The following EYS variants were observed in gnomAD, a reference collection of about 807,000 sequenced individuals.
EYS encodes the protein EGF-like photoreceptor maintenance factor, also known as protein eyes shut homolog.
EYS carries 250 observed loss-of-function variants against 282.1 expected under a neutral mutation model. That is an observed-to-expected ratio of 0.89 (90% CI 0.80 to 0.98). The LOEUF is 0.98. Among genes scored for constraint, EYS ranks in the 50% least tolerant of loss-of-function variants. The pLI is 0.00. For missense variants in EYS, 4,016 were observed against 3,709.0 expected (o/e 1.08, Z -2.15); for synonymous variants, 1,355 against 1,282.9 (o/e 1.06, Z -1.20).
chr6:63,941,439 G>A (rs1020863381), intron 35 of EYS, among the ~76,000 whole-genome samples: 2 of 152,194 alleles, frequency 1.3e-5, no homozygotes, highest in Non-Finnish European at 1.5e-5. Flanking sequence ...GGCCAGTGAT[G>A]ATGAGCATTT....
At chr6:64,933,958 A>T (rs1188184393) in intron 15 of EYS, among the ~76,000 whole-genome samples, 6 of 151,930 alleles carry the variant, frequency 3.9e-5, no homozygotes. Context: ...GGAACATCAC[A>T]CACCAGGGCC....
intron 30 of EYS, among the ~76,000 whole-genome samples, chr6:64,239,992 A>C (rs1247859874): frequency 1.3e-5 from 2 of 152,126 alleles, no homozygotes; most frequent in Non-Finnish European, 2.9e-5. Flanking sequence ...TTTTCCCAAC[A>C]CCGTTTATTA....
chr6:64,151,386 G>C (rs1774730169), intron 31 of EYS, among the ~76,000 whole-genome samples: 1 of 125,874 alleles, frequency 7.9e-6, no homozygotes, highest in African/African-American at 3.2e-5. Flanking sequence ...TTTTGAGATG[G>C]AGTCTCGCTC....
At chr6:64,059,687 AT>A (rs907372030) in intron 33 of EYS, among the ~76,000 whole-genome samples, 3 of 152,200 alleles carry the variant, frequency 2.0e-5, no homozygotes, top group African/African-American at 7.2e-5. Flanking sequence ...TCTTTTAAAG[AT>A]TTTCTTAAGC....
At chr6:64,230,504 C>G in intron 31 of EYS, 88 bp downstream of exon 31, 1 of 845,392 alleles carries the variant, frequency 1.2e-6, no homozygotes, top group Non-Finnish European at 1.9e-6. Context: ...TAGTACCCAT[C>G]ACTAAGTTTA....
chr6:65,146,811 T>C (rs947615230), intron 12 of EYS, among the ~76,000 whole-genome samples: 48 of 152,122 alleles, frequency 3.2e-4, no homozygotes, highest in African/African-American at 1.0e-3. Context: ...CTTTTTACCA[T>C]TTGAAGAGTT....
chr6:64,864,191 C>A (rs1436048358), intron 19 of EYS, among the ~76,000 whole-genome samples: 1 of 151,874 alleles, frequency 6.6e-6, no homozygotes, highest in Non-Finnish European at 1.5e-5. Flanking sequence ...ATACATAGAT[C>A]TATTAAATGG....
chr6:65,595,805 CTCTT>C (rs1441290984), intron 2 of EYS, among the ~76,000 whole-genome samples: 1 of 152,084 alleles, frequency 6.6e-6, no homozygotes, highest in Non-Finnish European at 1.5e-5. Flanking sequence ...TGATCTCTGA[CTCTT>C]GGTATTCCTA....
intron 35 of EYS, among the ~76,000 whole-genome samples, chr6:63,866,217 C>A (rs925210801): frequency 4.7e-4 from 55 of 116,432 alleles, no homozygotes; most frequent in African/African-American, 1.2e-3. Flanking sequence ...CTAGCAGGTA[C>A]AGAAATATTT....
At chr6:65,398,244 G>A (rs1441506160) in intron 7 of EYS, among the ~76,000 whole-genome samples, 1 of 151,768 alleles carries the variant, frequency 6.6e-6, no homozygotes, top group Admixed American at 6.6e-5. Context: ...ATACTAAAAG[G>A]TTATAGTAAC....
In EYS at chr6:65,146,317, AAAT is replaced by A. The variant is rs577006370; in HGVS notation, c.2024-88593_2024-88591del. Among the ~76,000 whole-genome samples the A allele has an allele frequency of 1.8e-3, 278 of 152,090 alleles. 2 individuals are homozygous for A. Among genetic ancestry groups the A allele is most frequent in the Non-Finnish European group, 3.3e-3 (225 of 67,882 alleles). ...CTGACATAAACAATCGCAAAAACAA[AAAT>A]AATAATGATCCATTGAATACTAATT... On this transcript the variant is annotated intron_variant, in intron 12 of 42. Transcript: ENST00000503581.
chr6:64,866,648 C>T (rs1381186025), intron 19 of EYS, among the ~76,000 whole-genome samples: 1 of 71,426 alleles, frequency 1.4e-5, no homozygotes, highest in Non-Finnish European at 3.5e-5. Context: ...AGAGTTCTAC[C>T]ATTGAATTGT....
rs1033230134 is a variant in EYS, at chr6:65,053,950, G to C, written c.2137+3664C>G. ...TTATGTGTACTATTTTTCTTTCTTT[G>C]GGAAAAAGACTGTGAAATCACTAAC... is the stretch of plus-strand genomic sequence containing the variant. On this transcript the variant is annotated intron_variant, in intron 13 of 42. Transcript: ENST00000503581. 4.6e-5 allele frequency among the ~76,000 whole-genome samples: 7 copies of C among 151,600 alleles called. No individual in the cohort carries two copies. The Admixed American group carries it at 4.6e-4, about 10-fold the overall frequency.
At chr6:64,483,727 G>T (rs1776500874) in intron 26 of EYS, among the ~76,000 whole-genome samples, 1 of 151,560 alleles carries the variant, frequency 6.6e-6, no homozygotes, top group Non-Finnish European at 1.5e-5. Flanking sequence ...TCAGATGCAA[G>T]CTACATTCTA....
At chr6:64,868,751 G>A (rs1217697758) in intron 19 of EYS, among the ~76,000 whole-genome samples, 1 of 151,412 alleles carries the variant, frequency 6.6e-6, no homozygotes, top group Non-Finnish European at 1.5e-5. Flanking sequence ...TTTCATTACA[G>A]GAACATATTT....
At chr6:63,838,517 C>A (rs959131590) in intron 36 of EYS, among the ~76,000 whole-genome samples, 4 of 152,116 alleles carry the variant, frequency 2.6e-5, no homozygotes, top group South Asian at 2.1e-4. Flanking sequence ...TATTATACTG[C>A]GGCCCTGTAT....
chr6:65,208,478 T>C (rs754434081), intron 12 of EYS, among the ~76,000 whole-genome samples: 4 of 151,906 alleles, frequency 2.6e-5, no homozygotes, highest in African/African-American at 4.8e-5. Context: ...AAGAAATCAT[T>C]ATCTCAAAAA....
chr6:65,365,582 A>G (rs540355059), intron 8 of EYS, among the ~76,000 whole-genome samples: 1 of 151,774 alleles, frequency 6.6e-6, no homozygotes, highest in South Asian at 2.1e-4. Flanking sequence ...TGACTATTAC[A>G]AAGCCTAAGG....
intron 7 of EYS, among the ~76,000 whole-genome samples, chr6:65,393,341 T>A (rs930409746): frequency 1.3e-5 from 2 of 152,028 alleles, no homozygotes; most frequent in Non-Finnish European, 2.9e-5. Flanking sequence ...ATTAGCCTTA[T>A]AAATGTGACT....
Sources: gnomAD v4.1 joint callset for allele counts (sites outside exome capture counted in the v4.1 genomes callset) on GRCh38, gnomAD v4.1.1 for gene constraint, MANE v1.5 for transcripts, NCBI Gene and HGNC (gene_info 2026-07-23, HGNC 2026-07-21) for gene names.